Variants in NTN4 observed in about 807,000 individuals in gnomAD.
NTN4 encodes netrin 4, also known as netrin-4.
NTN4 carries 32 observed loss-of-function variants against 73.6 expected under a neutral mutation model. That is an observed-to-expected ratio of 0.44 (90% CI 0.33 to 0.58). NTN4 has a LOEUF of 0.58. Ranked by LOEUF, NTN4 falls within the 20% of genes least tolerant of loss-of-function variation. The probability of loss-of-function intolerance (pLI) is 0.04; values close to 1 mark genes in which losing one functional copy is unlikely to be tolerated. For missense variants in NTN4, 654 were observed against 798.3 expected, an observed-to-expected ratio of 0.82 and a Z score of 2.18; for synonymous variants, 258 against 287.5, an observed-to-expected ratio of 0.90 and a Z score of 1.04.
Position 95,787,023 on chromosome 12 carries a change from T to G in NTN4, c.501A>C (p.Thr167=). The G allele has an allele frequency of 6.2e-7, 1 of 1,614,146 alleles. No homozygotes were observed. Among genetic ancestry groups the G allele is most frequent in the African/African-American group, 1.3e-5 (1 of 75,032 alleles). Residue 167 remains threonine (T), a synonymous_variant, in exon 2 of 10, where the codon ACA becomes ACC. Transcript: ENST00000343702. ...YKYFATNCSA[T]FGLEDDVVKK... is the part of the protein sequence containing the mutation. ...TGACAACATCATCTTCCAGGCCAAATGTAGCGGAGCAGTTAGTCGCAAAGT... is the reference window on the plus strand; with the variant it reads ...TGACAACATCATCTTCCAGGCCAAAGGTAGCGGAGCAGTTAGTCGCAAAGT...
At chr12:95,700,639 G>A (rs1202912231) in intron 5 of NTN4, among the ~76,000 whole-genome samples, 3 of 152,044 alleles carry the variant, frequency 2.0e-5, no homozygotes, top group African/African-American at 7.2e-5. Flanking sequence ...GTTTGAAACT[G>A]GCCGTGGTGA....
intron 2 of NTN4, among the ~76,000 whole-genome samples, chr12:95,755,065 A>G (rs1011781894): frequency 6.6e-6 from 1 of 152,206 alleles, no homozygotes; most frequent in Admixed American, 6.5e-5. Flanking sequence ...CTCCATTTCT[A>G]TTGTTTATTA....
At chr12:95,706,810 T>TG (rs1251212284) in intron 5 of NTN4, among the ~76,000 whole-genome samples, 1 of 151,430 alleles carries the variant, frequency 6.6e-6, no homozygotes, top group East Asian at 2.0e-4. Flanking sequence ...ATGTAAAATT[T>TG]GGGGGGGCGG....
intron 2 of NTN4, among the ~76,000 whole-genome samples, chr12:95,754,772 C>A (rs1490364830): frequency 1.3e-5 from 2 of 152,178 alleles, no homozygotes; most frequent in East Asian, 1.9e-4. Context: ...CGGCCCCACC[C>A]CATCTCCCTT....
At chr12:95,748,527 G>A (rs910658577) in intron 2 of NTN4, among the ~76,000 whole-genome samples, 2 of 141,010 alleles carry the variant, frequency 1.4e-5, no homozygotes, top group Admixed American at 7.3e-5. Context: ...GTCCACGTTG[G>A]AATGCAGTGG....
chr12:95,749,396 C>T (rs1030833561), intron 2 of NTN4, among the ~76,000 whole-genome samples: 2 of 152,236 alleles, frequency 1.3e-5, no homozygotes, highest in African/African-American at 4.8e-5. Flanking sequence ...CTCAGACCGA[C>T]CAGCCCAAGG....
Position 95,737,929 on chromosome 12 carries a change from G to C in NTN4, c.801C>G (p.His267Gln). 6.2e-7 allele frequency: 1 copy of C among 1,614,106 alleles called. No individual in the cohort carries two copies. The highest frequency in any genetic ancestry group is 1.7e-4 in the Middle Eastern group (1 of 6,060). Residue 267 changes from histidine (H) to glutamine (Q), a missense_variant, in exon 3 of 10, where the codon CAC (histidine) becomes CAG (glutamine). Physicochemically the swap from His to Gln is conservative, Grantham distance 24. Transcript: ENST00000343702. The part of the protein sequence containing the change: ...IVKGSCFCNG[H>Q]ADQCIPVHGF... ...CATGAACAGGTATGCATTGATCAGC[G>C]TGGCCATTGCAGAAGCAGCTGCCCT...
In NTN4 at chr12:95,730,073, T is replaced by C. The variant is rs180925540; in HGVS notation, c.864+7793A>G. Among the ~76,000 whole-genome samples, 48 of 152,296 alleles carry C rather than the reference T, an allele frequency of 3.2e-4. No homozygotes were observed. The East Asian group carries it at 8.3e-3, about 26-fold the overall frequency. Reference sequence around the variant, plus strand: ...GCAAAGTGAGATATGCCTTGAATATTTGGGGAGTACTTTATAGTAAGAAAA... The same window carrying C: ...GCAAAGTGAGATATGCCTTGAATATCTGGGGAGTACTTTATAGTAAGAAAA... On this transcript the variant is annotated intron_variant, in intron 3 of 9. Coordinates refer to ENST00000343702, the MANE Select transcript of NTN4 (RefSeq NM_021229.4).
intron 3 of NTN4, among the ~76,000 whole-genome samples, chr12:95,733,749 TG>T (rs1592692782): frequency 6.6e-6 from 1 of 151,090 alleles, no homozygotes; most frequent in Non-Finnish European, 1.5e-5. Context: ...AGGGGAAACA[TG>T]GGGGGAAGGT....
At chr12:95,713,161 TG>T in intron 4 of NTN4, 50 bp downstream of exon 4, 1 of 1,588,732 alleles carries the variant, frequency 6.3e-7, no homozygotes, top group South Asian at 1.1e-5. Context: ...AGTCCACAGA[TG>T]CGTTGACTTT....
In NTN4 at chr12:95,710,611, T is replaced by A. The variant is rs752209709; in HGVS notation, c.1010A>T (p.His337Leu). 1 of 1,613,556 alleles carries A rather than the reference T, an allele frequency of 6.2e-7. No homozygotes were observed. The highest frequency in any genetic ancestry group is 2.2e-5 in the East Asian group (1 of 44,886). Residue 337 changes from histidine (H) to leucine (L), a missense_variant, in exon 5 of 10, where the codon CAT (histidine) becomes CTT (leucine). Physicochemically the swap from His to Leu is moderately conservative, Grantham distance 99. Transcript: ENST00000343702. ...NECRTCKCNG[H>L]ADTCHFDVNV... ...AACGTCGAAGTGACAGGTATCAGCA[T>A]GCCCATTACACTTGCAGGCTGGAAA...
chr12:95,768,314 A>G (rs1186443877), intron 2 of NTN4, among the ~76,000 whole-genome samples: 2 of 152,138 alleles, frequency 1.3e-5, no homozygotes, highest in Non-Finnish European at 2.9e-5. Flanking sequence ...AAGTTTAAGC[A>G]AATTCCTTAA....
At chr12:95,788,820 C>T (rs2079187319) in intron 1 of NTN4, among the ~76,000 whole-genome samples, 1 of 152,180 alleles carries the variant, frequency 6.6e-6, no homozygotes, top group South Asian at 2.1e-4. Flanking sequence ...TGGCCAGAAG[C>T]ACACAAACAC....
intron 2 of NTN4, among the ~76,000 whole-genome samples, chr12:95,751,992 A>G (rs147385155): frequency 2.8e-3 from 422 of 150,840 alleles, no homozygotes; most frequent in African/African-American, 9.1e-3. Flanking sequence ...GACTACAGCT[A>G]TATCTCATTG....
chr12:95,694,659 G>A (rs1340746757), intron 5 of NTN4, among the ~76,000 whole-genome samples: 1 of 151,816 alleles, frequency 6.6e-6, no homozygotes. Flanking sequence ...TTTTGCTAGT[G>A]GATGAAAAGC....
intron 7 of NTN4, among the ~76,000 whole-genome samples, chr12:95,678,349 T>TAAAAAAAAAAAAA: frequency 9.0e-6 from 1 of 110,960 alleles, no homozygotes; most frequent in Non-Finnish European, 1.9e-5. Context: ...GAACTTAAAG[T>TAAAAAAAAAAAAA]AAAAAAAAAA....
chr12:95,774,201 G>A (rs2079076621), intron 2 of NTN4, among the ~76,000 whole-genome samples: 1 of 145,944 alleles, frequency 6.9e-6, no homozygotes, highest in Non-Finnish European at 1.5e-5. Flanking sequence ...AAAAAAGATT[G>A]GCATTATAAT....
intron 5 of NTN4, among the ~76,000 whole-genome samples, chr12:95,704,580 C>G (rs1164142996): frequency 6.6e-6 from 1 of 152,128 alleles, no homozygotes; most frequent in Non-Finnish European, 1.5e-5. Flanking sequence ...GAAAATATTA[C>G]TAAAGAGTAA....
intron 5 of NTN4, among the ~76,000 whole-genome samples, chr12:95,709,315 G>A (rs944381761): frequency 6.6e-6 from 1 of 152,028 alleles, no homozygotes; most frequent in South Asian, 2.1e-4. Flanking sequence ...AGTGGCTTCT[G>A]TTATCTGATG....
Sources: gnomAD v4.1 joint callset for allele counts (sites outside exome capture counted in the v4.1 genomes callset) on GRCh38, gnomAD v4.1.1 for gene constraint, MANE v1.5 for transcripts, NCBI Gene and HGNC (gene_info 2026-07-23, HGNC 2026-07-21) for gene names.